Variants in SMAP1 observed in about 807,000 individuals in gnomAD.
The protein encoded by SMAP1 is small ArfGAP 1.
In SMAP1, 24 loss-of-function variants were observed where a neutral mutation model predicts 58.5. That is an observed-to-expected ratio of 0.41 (90% CI 0.30 to 0.58). The LOEUF is 0.58. Among genes scored for constraint, SMAP1 ranks in the 20% least tolerant of loss-of-function variants. The pLI is 0.29. For synonymous variants in SMAP1, 216 were observed against 196.6 expected, an observed-to-expected ratio of 1.10 and a Z score of -0.82; for missense variants, 563 against 566.3, an observed-to-expected ratio of 0.99 and a Z score of 0.06.
rs1452014553 is a variant in SMAP1 at position 70,860,229 on chromosome 6, C to T, written c.1299C>T (p.Ile433=). 2 of 1,612,738 alleles carry T rather than the reference C, an allele frequency of 1.2e-6. No homozygotes were observed. Among genetic ancestry groups the T allele is most frequent in the African/African-American group, 1.3e-5 (1 of 74,854 alleles). The change falls in exon 11 of 11, where the codon ATC becomes ATT. Residue 433 remains isoleucine (I), a synonymous_variant. Transcript: ENST00000370455. ...ATCAGCAGATGGCTGGCATGAGTATCAGTAGTGCAACCCCTACTGCAGGTT... is the reference window on the plus strand; with the variant it reads ...ATCAGCAGATGGCTGGCATGAGTATTAGTAGTGCAACCCCTACTGCAGGTT... ...QMNQQMAGMS[I]SSATPTAGFG... is the part of the protein sequence containing the mutation.
chr6:70,835,350 T>C (rs1363715480), intron 6 of SMAP1, among the ~76,000 whole-genome samples: 2 of 144,702 alleles, frequency 1.4e-5, no homozygotes, highest in Admixed American at 6.9e-5. Flanking sequence ...AAAAAACAAA[T>C]AAGGGTAGAT....
intron 1 of SMAP1, among the ~76,000 whole-genome samples, chr6:70,680,562 G>A (rs530610962): frequency 5.7e-4 from 87 of 152,052 alleles, no homozygotes; most frequent in African/African-American, 2.0e-3. Context: ...GTTGACGAAT[G>A]GATAAAGAAA....
chr6:70,777,070 A>G (rs1767576014), intron 4 of SMAP1, among the ~76,000 whole-genome samples: 1 of 152,202 alleles, frequency 6.6e-6, no homozygotes, highest in Admixed American at 6.5e-5. Context: ...CCTCCATATT[A>G]TCCATAGTGG....
At chr6:70,857,860 T>C (rs370022108) in intron 9 of SMAP1, 62 bp from the exon 10 acceptor site, 4 of 1,557,118 alleles carry the variant, frequency 2.6e-6, no homozygotes, top group Admixed American at 1.8e-5. Flanking sequence ...TCTGTGATTA[T>C]AGAGATGAGT....
intron 2 of SMAP1, among the ~76,000 whole-genome samples, chr6:70,751,172 G>A (rs1766261035): frequency 6.6e-6 from 1 of 152,084 alleles, no homozygotes; most frequent in South Asian, 2.1e-4. Context: ...CCTGGGAGAT[G>A]GAGGTTGCAG....
In SMAP1 at chr6:70,860,343, A is replaced by G. The variant is rs1202304810; in HGVS notation, c.*9A>G. The G allele has an allele frequency of 6.2e-7, 1 of 1,602,266 alleles. No individual in the cohort carries two copies. The highest frequency in any genetic ancestry group is 8.5e-7 in the Non-Finnish European group (1 of 1,175,168). On this transcript the variant is annotated 3_prime_UTR_variant, in exon 11 of 11. Coordinates refer to ENST00000370455, the MANE Select transcript of SMAP1 (RefSeq NM_001044305.3). ...CACAACTGTGGAAATGAAAACTGCA[A>G]TACAAGTTTCATCCAGAACTACCAC...
At chr6:70,816,244 G>A (rs139198871) in intron 6 of SMAP1, among the ~76,000 whole-genome samples, 1 of 152,302 alleles carries the variant, frequency 6.6e-6, no homozygotes, top group East Asian at 1.9e-4. Flanking sequence ...TTTAACTGAA[G>A]TATAGGACAA....
chr6:70,668,515 G>C (rs956551439), intron 1 of SMAP1: 3 of 1,501,524 alleles, frequency 2.0e-6, no homozygotes, highest in East Asian at 2.5e-5. Context: ...TGCCCTCCTA[G>C]CTCTGCTCAT....
chr6:70,771,679 G>A (rs1767321834), intron 3 of SMAP1, among the ~76,000 whole-genome samples: 1 of 152,130 alleles, frequency 6.6e-6, no homozygotes, highest in South Asian at 2.1e-4. Flanking sequence ...CTAGGAAAGG[G>A]AACTCCCTGT....
intron 3 of SMAP1, among the ~76,000 whole-genome samples, chr6:70,757,646 C>T (rs1163320919): frequency 6.6e-6 from 1 of 151,996 alleles, no homozygotes; most frequent in Admixed American, 6.6e-5. Flanking sequence ...TATCCAGAAT[C>T]TACAATGAAC....
At chr6:70,750,331 C>T (rs977344370) in intron 2 of SMAP1, among the ~76,000 whole-genome samples, 1 of 151,986 alleles carries the variant, frequency 6.6e-6, no homozygotes, top group Non-Finnish European at 1.5e-5. Flanking sequence ...TTATCTATTC[C>T]CATGTTTAGT....
At chr6:70,804,276 A>G (rs2149960637) in intron 6 of SMAP1, among the ~76,000 whole-genome samples, 1 of 148,814 alleles carries the variant, frequency 6.7e-6, no homozygotes, top group Admixed American at 6.7e-5. Context: ...TGTTCGTTTG[A>G]AGTCTGTTTT....
chr6:70,686,673 G>A (rs1328823685), intron 1 of SMAP1, among the ~76,000 whole-genome samples: 1 of 152,046 alleles, frequency 6.6e-6, no homozygotes, highest in African/African-American at 2.4e-5. Context: ...GTACAATTGG[G>A]CTTCTTAAAT....
intron 6 of SMAP1, among the ~76,000 whole-genome samples, chr6:70,834,966 T>G (rs1229960355): frequency 6.6e-6 from 1 of 151,952 alleles, no homozygotes; most frequent in Non-Finnish European, 1.5e-5. Flanking sequence ...ATTAAAGAAT[T>G]GGGCCGGGCG....
chr6:70,713,756 A>G (rs989399997), intron 1 of SMAP1, among the ~76,000 whole-genome samples: 4 of 151,864 alleles, frequency 2.6e-5, no homozygotes, highest in African/African-American at 9.7e-5. Context: ...TGTCAAGTTT[A>G]TTTGGTGTGT....
At position 70,736,114 on chromosome 6, in the gene SMAP1, A is replaced by G. The variant is rs190939993; in HGVS notation, c.252+3603A>G. On this transcript the variant is annotated intron_variant, in intron 2 of 10. Coordinates refer to ENST00000370455, the MANE Select transcript of SMAP1 (RefSeq NM_001044305.3). Reference sequence around the variant, plus strand: ...CCATATTTTTATCTGTTATTTATGTATATGTTATGTGTTTCAGTTTTTAGA... The same window carrying G: ...CCATATTTTTATCTGTTATTTATGTGTATGTTATGTGTTTCAGTTTTTAGA... 4.6e-5 allele frequency among the ~76,000 whole-genome samples: 7 copies of G among 151,510 alleles called. No individual in the cohort carries two copies. In the East Asian group the frequency reaches 1.4e-3, roughly 29 times the overall value.
intron 6 of SMAP1, among the ~76,000 whole-genome samples, chr6:70,809,934 C>A (rs1034725709): frequency 9.2e-5 from 14 of 151,898 alleles, no homozygotes; most frequent in African/African-American, 3.4e-4. Context: ...GTGTTGCTTC[C>A]CTGTTGCCCA....
chr6:70,762,855 C>T lies in SMAP1; in HGVS notation c.338+7790C>T, dbSNP rs117702861. Among the ~76,000 whole-genome samples the T allele has an allele frequency of 1.0e-3, 153 of 152,080 alleles. No homozygotes were observed. In the Middle Eastern group the frequency reaches 0.01, roughly 10 times the overall value. ...TTGTAAACAGAAGTGAGACTCTCAACTGCATTTGAATTATTTATATAAAAT... is the reference window on the plus strand; with the variant it reads ...TTGTAAACAGAAGTGAGACTCTCAATTGCATTTGAATTATTTATATAAAAT... On this transcript the variant is annotated intron_variant, in intron 3 of 10. Coordinates refer to ENST00000370455, the MANE Select transcript of SMAP1 (RefSeq NM_001044305.3).
In SMAP1 at chr6:70,703,929, T is replaced by A. The variant is rs9294879; in HGVS notation, c.119-28449T>A. Reference sequence around the variant, plus strand: ...CAGTAAGCTGAGTTCATTGTAAGGCTCTCACCTAGTTTGTTTTCCATCTCT... The same window carrying A: ...CAGTAAGCTGAGTTCATTGTAAGGCACTCACCTAGTTTGTTTTCCATCTCT... On this transcript the variant is annotated intron_variant, in intron 1 of 10. Transcript: ENST00000370455. Among the ~76,000 whole-genome samples the A allele has an allele frequency of 8.2e-3, 1,252 of 152,318 alleles. 13 individuals are homozygous for A. The highest frequency in any genetic ancestry group is 0.029 in the African/African-American group (1,200 of 41,568).
Sources: gnomAD v4.1 joint callset for allele counts (sites outside exome capture counted in the v4.1 genomes callset) on GRCh38, gnomAD v4.1.1 for gene constraint, MANE v1.5 for transcripts, NCBI Gene and HGNC (gene_info 2026-07-23, HGNC 2026-07-21) for gene names.